DNAJC15: variants seen among roughly 807,000 people sequenced by gnomAD.
The protein encoded by DNAJC15 is dnaJ homolog subfamily C member 15.
DNAJC15 carries 27 observed loss-of-function variants against 22.4 expected under a neutral mutation model. The observed-to-expected ratio is 1.20, with a 90% CI of 0.89 to 1.66. The LOEUF is 1.66. Ranked by LOEUF, DNAJC15 falls within the 40% of genes most tolerant of loss-of-function variation. DNAJC15 has a pLI of 0.00. For synonymous variants in DNAJC15, 79 were observed against 63.2 expected, an observed-to-expected ratio of 1.25 and a Z score of -1.19; for missense variants, 208 against 187.1, an observed-to-expected ratio of 1.11 and a Z score of -0.65.
In DNAJC15 at chr13:43,096,266, T is replaced by G. The variant is rs1340276830; in HGVS notation, c.382+10428T>G. ...CTGTAAGATTCAACAGCATAAAAGC[T>G]GCTAAAAATTTTATGCAGTCCTAAG... On this transcript the variant is annotated intron_variant, in intron 5 of 5. Coordinates refer to ENST00000379221, the MANE Select transcript of DNAJC15 (RefSeq NM_013238.3). 2.0e-5 allele frequency among the ~76,000 whole-genome samples: 3 copies of G among 152,222 alleles called. No individual in the cohort carries two copies. The East Asian group carries it at 5.8e-4, about 29-fold the overall frequency.
chr13:43,051,653 GTGTGTGTGTATA>G (rs890827258), intron 1 of DNAJC15, among the ~76,000 whole-genome samples: 12 of 92,848 alleles, frequency 1.3e-4, no homozygotes, highest in Admixed American at 2.6e-4. Flanking sequence ...GTGTGTGTGT[GTGTGTGTGTATA>G]TATATCACAT....
At chr13:43,027,241 T>A (rs1240084505) in intron 1 of DNAJC15, among the ~76,000 whole-genome samples, 1 of 152,252 alleles carries the variant, frequency 6.6e-6, no homozygotes, top group Non-Finnish European at 1.5e-5. Flanking sequence ...CTTTTATTTT[T>A]CTTCAATTTT....
chr13:43,095,561 G>A (rs1451492490), intron 5 of DNAJC15, among the ~76,000 whole-genome samples: 2 of 152,122 alleles, frequency 1.3e-5, no homozygotes, highest in East Asian at 1.9e-4. Context: ...AGAGGTCATG[G>A]AAAGTGAAAG....
chr13:43,109,782 C>T lies in DNAJC15; in HGVS notation c.*2534C>T, dbSNP rs1464458950. 1 of 152,098 alleles carries T rather than the reference C, an allele frequency of 6.6e-6. No individual in the cohort carries two copies. The highest frequency in any genetic ancestry group is 1.9e-4 in the East Asian group (1 of 5,192). The allele number at this position is 152,098 out of a possible 1,614,324, so 9.4% of individuals were successfully genotyped here. ...GTAAATGACAAGTTAATTGGTGCAG[C>T]ACACCAACATGGCTCATGTCTACAT... On this transcript the variant is annotated 3_prime_UTR_variant, in exon 6 of 6. Coordinates refer to ENST00000379221, the MANE Select transcript of DNAJC15 (RefSeq NM_013238.3).
chr13:43,104,887 T>C (rs115296863), intron 5 of DNAJC15, among the ~76,000 whole-genome samples: 2,528 of 151,374 alleles, frequency 0.017, 79 homozygotes, highest in East Asian at 0.1. Context: ...CAGAGTCTTA[T>C]TATGTTGCCC....
Position 43,107,531 on chromosome 13 carries a change from AC to A in DNAJC15, c.*284del, listed in dbSNP as rs2040803699. 20 of 81,610 alleles carry A rather than the reference AC, an allele frequency of 2.5e-4. No homozygotes were observed. In the South Asian group the frequency reaches 8.0e-3, roughly 32 times the overall value. 5.1% of individuals were successfully genotyped at this position (81,610 alleles called of 1,614,324 possible). A position where few individuals can be genotyped will look rare whatever the true frequency, so the allele number is the denominator to read the frequency against. ...ATGTTCTGAATTCCCCCCTACACAC[AC>A]ACACACACACACACACACACACACG... On this transcript the variant is annotated 3_prime_UTR_variant, in exon 6 of 6. Transcript: ENST00000379221.
chr13:43,097,044 C>T (rs1212902873), intron 5 of DNAJC15, among the ~76,000 whole-genome samples: 1 of 152,190 alleles, frequency 6.6e-6, no homozygotes, highest in Admixed American at 6.5e-5. Context: ...CTTTTCGCCA[C>T]TAAGTTTTGG....
At chr13:43,039,630 A>G (rs1296957001) in intron 1 of DNAJC15, among the ~76,000 whole-genome samples, 2 of 152,240 alleles carry the variant, frequency 1.3e-5, no homozygotes, top group African/African-American at 2.4e-5. Context: ...TTTCAGTACA[A>G]TAATAAAATG....
At chr13:43,063,671 T>C (rs1028733) in intron 1 of DNAJC15, among the ~76,000 whole-genome samples, 2,607 of 151,600 alleles carry the variant, frequency 0.017, 91 homozygotes, top group East Asian at 0.11. Flanking sequence ...CTTTTTATTA[T>C]TAATTTGGAG....
At chr13:43,041,488 ATC>A (rs1427757278) in intron 1 of DNAJC15, among the ~76,000 whole-genome samples, 33 of 152,066 alleles carry the variant, frequency 2.2e-4, no homozygotes, top group Admixed American at 2.1e-3. Context: ...TAACAATCTG[ATC>A]TCTCTTTCTT....
chr13:43,046,283 A>G (rs1022543143), intron 1 of DNAJC15, among the ~76,000 whole-genome samples: 1 of 151,930 alleles, frequency 6.6e-6, no homozygotes, highest in African/African-American at 2.4e-5. Flanking sequence ...CATATGTTAG[A>G]TTTTTAATTA....
At chr13:43,103,503 T>C (rs982695445) in intron 5 of DNAJC15, among the ~76,000 whole-genome samples, 6 of 152,246 alleles carry the variant, frequency 3.9e-5, no homozygotes, top group Non-Finnish European at 7.3e-5. Context: ...ACACTTTAAA[T>C]AGCACCGTTT....
intron 5 of DNAJC15, among the ~76,000 whole-genome samples, chr13:43,103,377 G>T (rs1288797240): frequency 6.6e-6 from 1 of 152,134 alleles, no homozygotes; most frequent in Non-Finnish European, 1.5e-5. Context: ...TAAGATCCAG[G>T]TTTTACAGGG....
chr13:43,080,789 G>C (rs532066457), intron 4 of DNAJC15, among the ~76,000 whole-genome samples: 1 of 152,274 alleles, frequency 6.6e-6, no homozygotes, highest in Non-Finnish European at 1.5e-5. Context: ...AAAAAAATTT[G>C]GCTCCTGTTT....
At position 43,089,369 on chromosome 13, in the gene DNAJC15, C is replaced by G. The variant is rs796872345; in HGVS notation, c.382+3531C>G. 5.1e-4 allele frequency among the ~76,000 whole-genome samples: 78 copies of G among 152,250 alleles called. 1 individual carries two copies. Among genetic ancestry groups the G allele is most frequent in the African/African-American group, 1.8e-3 (75 of 41,530 alleles). ...AGGAGCAGACAAAAAATAAGTAAAC[C>G]TATTTCAAGTTGTAGCAAGGCGATA... is the stretch of plus-strand genomic sequence containing the variant. On this transcript the variant is annotated intron_variant, in intron 5 of 5. Coordinates refer to ENST00000379221, the MANE Select transcript of DNAJC15 (RefSeq NM_013238.3).
intron 4 of DNAJC15, among the ~76,000 whole-genome samples, chr13:43,085,146 G>A (rs188746317): frequency 3.0e-3 from 461 of 152,188 alleles, no homozygotes; most frequent in Non-Finnish European, 5.2e-3. Context: ...GGTGGATCAC[G>A]AGGTCAGGAG....
intron 2 of DNAJC15, 96 bp from the exon 3 acceptor site, chr13:43,068,834 A>G (rs779000123): frequency 1.3e-4 from 136 of 1,016,272 alleles, no homozygotes; most frequent in Non-Finnish European, 1.8e-4. Flanking sequence ...AATAACATAT[A>G]TAAACTATCA....
intron 2 of DNAJC15, 86 bp downstream of exon 2, chr13:43,065,823 T>G (rs2040580948): frequency 8.0e-7 from 1 of 1,249,316 alleles, no homozygotes; most frequent in Admixed American, 1.8e-5. Context: ...ACCCTTAGTA[T>G]TCTGAGGTTT....
At chr13:43,052,561 T>C (rs1252433153) in intron 1 of DNAJC15, among the ~76,000 whole-genome samples, 2 of 151,582 alleles carry the variant, frequency 1.3e-5, no homozygotes, top group Non-Finnish European at 2.9e-5. Flanking sequence ...GGATTACAGG[T>C]GCCTGCCACT....
Sources: gnomAD v4.1 joint callset for allele counts (sites outside exome capture counted in the v4.1 genomes callset) on GRCh38, gnomAD v4.1.1 for gene constraint, MANE v1.5 for transcripts, NCBI Gene and HGNC (gene_info 2026-07-23, HGNC 2026-07-21) for gene names.